The following HPN variants were observed in gnomAD, a reference collection of about 807,000 sequenced individuals.
HPN encodes the protein hepsin.
HPN carries 13 observed loss-of-function variants against 55.9 expected under a neutral mutation model. The observed-to-expected ratio is 0.23, with a 90% CI of 0.15 to 0.37. The LOEUF (loss-of-function observed/expected upper bound fraction) is 0.37. HPN is among the 10% of genes least tolerant of loss of function. The pLI is 1.00. For synonymous variants in HPN, 225 were observed against 240.3 expected, an observed-to-expected ratio of 0.94 and a Z score of 0.59; for missense variants, 451 against 575.8, an observed-to-expected ratio of 0.78 and a Z score of 2.22.
chr19:35,042,587 C>G (rs908373444), intron 2 of HPN, 65 bp downstream of exon 2: 5 of 1,361,744 alleles, frequency 3.7e-6, no homozygotes, highest in African/African-American at 2.9e-5. Context: ...GTGCTCTTTT[C>G]TCTACCCTCT....
At chr19:35,045,906 G>A (rs543358278) in intron 2 of HPN, among the ~76,000 whole-genome samples, 12 of 152,288 alleles carry the variant, frequency 7.9e-5, no homozygotes, top group Admixed American at 3.9e-4. Flanking sequence ...CAGCATGGAA[G>A]GAGGTTCTTC....
chr19:35,056,584 G>A (rs770789550), intron 4 of HPN, among the ~76,000 whole-genome samples: 3 of 152,172 alleles, frequency 2.0e-5, no homozygotes, highest in Admixed American at 6.6e-5. Flanking sequence ...ACAGTCTCCC[G>A]GGAGCTCCCT....
At chr19:35,041,581 C>T, upstream of HPN, 3 of 1,142,072 alleles carry the variant, frequency 2.6e-6, no homozygotes, top group Non-Finnish European at 3.3e-6. Context: ...AGGTCCAAGG[C>T]AAGCCCCGTA....
rs922630390 is a variant in HPN at position 35,050,548 on chromosome 19, T to C, written c.160+1032T>C. 4.7e-6 allele frequency: 6 copies of C among 1,279,700 alleles called. No individual in the cohort carries two copies. The Admixed American group carries it at 1.2e-4, about 25-fold the overall frequency. 79.3% of individuals were successfully genotyped at this position (1,279,700 alleles called of 1,614,324 possible). ...TAAGTGTGTCTGCAGGCATGTGGAA[T>C]GAATGGCCACACAAATAAATAGATA... On this transcript the variant is annotated intron_variant, in intron 4 of 12. Coordinates refer to ENST00000672452, the MANE Select transcript of HPN (RefSeq NM_001384133.1).
intron 9 of HPN, among the ~76,000 whole-genome samples, chr19:35,062,677 G>T (rs1415036311): frequency 6.6e-6 from 1 of 152,126 alleles, no homozygotes; most frequent in Non-Finnish European, 1.5e-5. Flanking sequence ...GAGCTCAGGA[G>T]TTCAAGACTC....
rs200103976 is a variant in HPN, at chr19:35,059,728, G to T, written c.216G>T (p.Thr72=). ...TGGTCTTTGACAAGACGGAAGGGAC[G>T]TGGCGGCTGCTGTGCTCCTCGCGCT... ...RLMVFDKTEG[T]WRLLCSSRSN... is the part of the protein sequence containing the mutation. Residue 72 remains threonine (T), a synonymous_variant, in exon 5 of 13, where the codon ACG becomes ACT. Transcript: ENST00000672452. The T allele has an allele frequency of 3.8e-6, 6 of 1,597,794 alleles. No homozygotes were observed. The South Asian group carries it at 5.7e-5, about 15-fold the overall frequency.
At chr19:35,056,697 T>G (rs2064458840) in intron 4 of HPN, among the ~76,000 whole-genome samples, 1 of 152,216 alleles carries the variant, frequency 6.6e-6, no homozygotes. Flanking sequence ...TCCCCTATAA[T>G]GTGGTTTGCC....
chr19:35,041,646 T>C (rs1319556627), upstream of HPN: 3 of 1,155,014 alleles, frequency 2.6e-6, no homozygotes, highest in East Asian at 8.6e-5. Flanking sequence ...CCAGGTGGCC[T>C]CCAGTGCTGC....
chr19:35,049,562 C>G (rs755405778), intron 4 of HPN, 46 bp downstream of exon 4: 4 of 1,539,836 alleles, frequency 2.6e-6, no homozygotes, highest in Non-Finnish European at 3.5e-6. Flanking sequence ...CTGGAGGACA[C>G]GTGTATCTGG....
intron 4 of HPN, among the ~76,000 whole-genome samples, chr19:35,058,544 AT>A (rs2064483008): frequency 1.4e-5 from 2 of 145,654 alleles, no homozygotes; most frequent in South Asian, 4.2e-4. Flanking sequence ...ATATATTAGT[AT>A]TATATTCTAA....
At chr19:35,043,239 T>TGA (rs2064311371) in intron 2 of HPN, among the ~76,000 whole-genome samples, 1 of 151,836 alleles carries the variant, frequency 6.6e-6, no homozygotes. Flanking sequence ...ACCATAAGGA[T>TGA]GAGAGAGAGA....
rs986574088 is a variant in HPN at position 35,042,269 on chromosome 19, C to G, written c.-54-184C>G. ...CATCCCTGCAAATCCAGGCGTCCCC[C>G]CGCTGCTGGTCAGACACTGACCCCA... On this transcript the variant is annotated intron_variant, in intron 1 of 12. Coordinates refer to ENST00000672452, the MANE Select transcript of HPN (RefSeq NM_001384133.1). The G allele has an allele frequency of 3.5e-5, 48 of 1,360,986 alleles. No individual in the cohort carries two copies. In the South Asian group the frequency reaches 4.5e-4, roughly 13 times the overall value. 84.3% of individuals were successfully genotyped at this position (1,360,986 alleles called of 1,614,324 possible). A position where few individuals can be genotyped will look rare whatever the true frequency, so the allele number is the denominator to read the frequency against.
At chr19:35,065,714 G>A (rs745365010) in intron 11 of HPN, 33 bp downstream of exon 11, 20 of 1,612,600 alleles carry the variant, frequency 1.2e-5, no homozygotes, top group South Asian at 5.5e-5. Context: ...CCCCCTGGTC[G>A]CTGCCACCCC....
chr19:35,048,080 G>GAAAGAAAGAAAGAAAGAAAGAA (rs1555722997), intron 2 of HPN, among the ~76,000 whole-genome samples: 44 of 36,482 alleles, frequency 1.2e-3, no homozygotes, highest in African/African-American at 2.8e-3. Flanking sequence ...AAGAAAGAAA[G>GAAAGAAAGAAAGAAAGAAAGAA]AAAAGGAAGG....
At chr19:35,061,584 GCT>G (rs1555725004) in intron 9 of HPN, among the ~76,000 whole-genome samples, 3 of 151,738 alleles carry the variant, frequency 2.0e-5, no homozygotes, top group Non-Finnish European at 4.4e-5. Context: ...ACAGAGCAAG[GCT>G]CTGTCATCTT....
rs547266750 is a variant in HPN at position 35,044,667 on chromosome 19, G to A, written c.16+2145G>A. ...CCCACATGGTTGTCTGAGAATTGGG[G>A]GAAACATACTCCCAAATCTCTGAAA... On this transcript the variant is annotated intron_variant, in intron 2 of 12. Coordinates refer to ENST00000672452, the MANE Select transcript of HPN (RefSeq NM_001384133.1). Among the ~76,000 whole-genome samples the A allele has an allele frequency of 2.6e-5, 4 of 152,230 alleles. No individual in the cohort carries two copies. The South Asian group carries it at 8.3e-4, about 32-fold the overall frequency.
At chr19:35,055,174 T>C (rs1021187129) in intron 4 of HPN, among the ~76,000 whole-genome samples, 1 of 152,158 alleles carries the variant, frequency 6.6e-6, no homozygotes, top group Non-Finnish European at 1.5e-5. Context: ...AAAGGCGTTT[T>C]TAGCTCAGGC....
At chr19:35,058,869 A>G (rs2064489238) in intron 4 of HPN, among the ~76,000 whole-genome samples, 1 of 152,088 alleles carries the variant, frequency 6.6e-6, no homozygotes, top group Admixed American at 6.6e-5. Context: ...CTCCACAAAA[A>G]ATACAATAAT....
At chr19:35,060,280 A>AGCCTGGGCTCTGGGG in intron 7 of HPN, 67 bp from the exon 8 acceptor site, 1 of 1,607,448 alleles carries the variant, frequency 6.2e-7, no homozygotes, top group Non-Finnish European at 8.5e-7. Flanking sequence ...GGCAGGGCCA[A>AGCCTGGGCTCTGGGG]GCCTGGGCTC....
Sources: gnomAD v4.1 joint callset for allele counts (sites outside exome capture counted in the v4.1 genomes callset) on GRCh38, gnomAD v4.1.1 for gene constraint, MANE v1.5 for transcripts, NCBI Gene and HGNC (gene_info 2026-07-23, HGNC 2026-07-21) for gene names.